The following PIK3C2B variants were observed in gnomAD, a reference collection of about 807,000 sequenced individuals.
PIK3C2B encodes phosphatidylinositol 4-phosphate 3-kinase C2 domain-containing subunit beta.
PIK3C2B carries 83 observed loss-of-function variants against 184.3 expected under a neutral mutation model. That is an observed-to-expected ratio of 0.45 (90% CI 0.38 to 0.54). The LOEUF is 0.54. Ranked by LOEUF, PIK3C2B falls within the 20% of genes least tolerant of loss-of-function variation. The pLI is 0.00. For synonymous variants in PIK3C2B, 779 were observed against 837.6 expected, an observed-to-expected ratio of 0.93 and a Z score of 1.21; for missense variants, 1,736 against 2,113.5, an observed-to-expected ratio of 0.82 and a Z score of 3.50.
chr1:204,460,221 T>A (rs879653400), intron 7 of PIK3C2B, 103 bp downstream of exon 7: 32 of 952,642 alleles, frequency 3.4e-5, no homozygotes, highest in African/African-American at 4.8e-5. Context: ...CCCTGACACC[T>A]GCAAGAATCC....
intron 1 of PIK3C2B, among the ~76,000 whole-genome samples, chr1:204,486,358 G>C (rs1380747692): frequency 7.1e-6 from 1 of 141,384 alleles, no homozygotes; most frequent in Non-Finnish European, 1.5e-5. Context: ...TAGTGCCACT[G>C]CACTCCAGCC....
At position 204,440,196 on chromosome 1, in the gene PIK3C2B, G is replaced by T. The variant is rs777209190; in HGVS notation, c.3375C>A (p.Gly1125=). 10 of 1,611,702 alleles carry T rather than the reference G, an allele frequency of 6.2e-6. No individual in the cohort carries two copies. The East Asian group carries it at 9.0e-5, about 15-fold the overall frequency. ...TCACCCCTACTCCCAACTGACCTCT[G>T]CCCCGGCCGGTGGAGAAGCAGCGGA... ...VIFRCFSTGR[G]RGMVEMIPNA... is the part of the protein sequence containing the mutation. Residue 1125 remains glycine, a synonymous_variant, in exon 22 of 33, where the codon GGC becomes GGA. Coordinates refer to ENST00000684373, the MANE Select transcript of PIK3C2B (RefSeq NM_001377334.1).
chr1:204,478,808 A>G (rs1656908491), intron 1 of PIK3C2B, among the ~76,000 whole-genome samples: 1 of 152,218 alleles, frequency 6.6e-6, no homozygotes, highest in East Asian at 1.9e-4. Context: ...ACAAGAGTTT[A>G]GTGGAAGTCT....
chr1:204,440,342 A>G, intron 21 of PIK3C2B, 21 bp from the exon 22 acceptor site: 1 of 1,563,790 alleles, frequency 6.4e-7, no homozygotes, highest in Non-Finnish European at 8.7e-7. Flanking sequence ...GGAGAAAGTG[A>G]CCAGATCTAA....
intron 5 of PIK3C2B, among the ~76,000 whole-genome samples, chr1:204,463,406 T>C (rs560334668): frequency 6.6e-6 from 1 of 152,206 alleles, no homozygotes; most frequent in East Asian, 1.9e-4. Flanking sequence ...CCCAGGGTAG[T>C]GGAAAGGGGG....
chr1:204,431,742 G>A lies in PIK3C2B; in HGVS notation c.4207C>T (p.Gln1403Ter), dbSNP rs1386810357. 6.2e-7 allele frequency: 1 copy of A among 1,614,052 alleles called. No homozygotes were observed. The highest frequency in any genetic ancestry group is 8.5e-7 in the Non-Finnish European group (1 of 1,180,018). Residue 1403 changes from glutamine (Q) to a stop codon, truncating the protein, a stop_gained, in exon 28 of 33, where the codon CAG becomes TAG. Transcript: ENST00000684373. LOFTEE classifies it high-confidence loss of function. ...RENTHEATYI[Q>*]RTFEEFQELH... ...TCCTGGAACTCCTCAAAGGTCCGCTGGATGTAGGTGGCCTCGTGAGTGTTC... is the reference window on the plus strand; with the variant it reads ...TCCTGGAACTCCTCAAAGGTCCGCTAGATGTAGGTGGCCTCGTGAGTGTTC...
At chr1:204,437,557 G>A (rs552783870) in intron 23 of PIK3C2B, among the ~76,000 whole-genome samples, 8 of 152,276 alleles carry the variant, frequency 5.3e-5, no homozygotes, top group African/African-American at 1.9e-4. Context: ...TCTAGATGGA[G>A]GAGAGGCATT....
intron 16 of PIK3C2B, 56 bp downstream of exon 16, chr1:204,445,900 C>A: frequency 7.9e-7 from 1 of 1,260,572 alleles, no homozygotes; most frequent in Non-Finnish European, 1.1e-6. Flanking sequence ...TGGGCAGTGT[C>A]GTGCCCTGGC....
At chr1:204,485,751 GTC>G (rs1180315340) in intron 1 of PIK3C2B, among the ~76,000 whole-genome samples, 1 of 151,918 alleles carries the variant, frequency 6.6e-6, no homozygotes, top group African/African-American at 2.4e-5. Context: ...CTAATTTTTT[GTC>G]TTTTTGGTAG....
chr1:204,465,170 C>CCCCACCCCCCAAG, intron 3 of PIK3C2B, 49 bp downstream of exon 3: 1 of 802,080 alleles, frequency 1.2e-6, no homozygotes, highest in Non-Finnish European at 2.1e-6. Flanking sequence ...GGCCCCCCTC[C>CCCCACCCCCCAAG]CCATCCCCCA....
chr1:204,455,412 G>A (rs1035494406), intron 11 of PIK3C2B, among the ~76,000 whole-genome samples: 4 of 152,096 alleles, frequency 2.6e-5, no homozygotes, highest in Non-Finnish European at 4.4e-5. Context: ...CAACAGAGGC[G>A]CTGAGGATTT....
chr1:204,476,496 T>C (rs1039353322), intron 1 of PIK3C2B, among the ~76,000 whole-genome samples: 12 of 152,184 alleles, frequency 7.9e-5, no homozygotes, highest in African/African-American at 2.9e-4. Flanking sequence ...CAGTGAGCCG[T>C]GATCGTGCCA....
At chr1:204,430,658 A>G (rs1675002761) in intron 28 of PIK3C2B, among the ~76,000 whole-genome samples, 1 of 145,924 alleles carries the variant, frequency 6.9e-6, no homozygotes, top group Non-Finnish European at 1.5e-5. Context: ...ATTCATTTAA[A>G]AAGTTGTTTG....
intron 32 of PIK3C2B, 33 bp from the exon 33 acceptor site, chr1:204,425,073 G>A: frequency 6.3e-7 from 1 of 1,575,384 alleles, no homozygotes; most frequent in Non-Finnish European, 8.7e-7. Context: ...GGGAAGTGGT[G>A]AGAGAAGGAA....
chr1:204,473,558 A>G lies in PIK3C2B; in HGVS notation c.-84-3672T>C, dbSNP rs373452429. ...TAGGAGATACCAGATAAATGCTCAAAGTTGGATTGGGCTTAAGTATGTTAA... is the reference window on the plus strand; with the variant it reads ...TAGGAGATACCAGATAAATGCTCAAGGTTGGATTGGGCTTAAGTATGTTAA... On this transcript the variant is annotated intron_variant, in intron 1 of 32. Coordinates refer to ENST00000684373, the MANE Select transcript of PIK3C2B (RefSeq NM_001377334.1). 2.0e-5 allele frequency among the ~76,000 whole-genome samples: 3 copies of G among 152,366 alleles called. No homozygotes were observed. In the East Asian group the frequency reaches 5.8e-4, roughly 29 times the overall value.
At chr1:204,466,117 A>C (rs935119477) in intron 2 of PIK3C2B, among the ~76,000 whole-genome samples, 1 of 152,170 alleles carries the variant, frequency 6.6e-6, no homozygotes, top group African/African-American at 2.4e-5. Flanking sequence ...AGAAGCCCCT[A>C]GCAAGGCCTG....
At chr1:204,430,638 C>T (rs1365836233) in intron 28 of PIK3C2B, among the ~76,000 whole-genome samples, 6 of 151,614 alleles carry the variant, frequency 4.0e-5, no homozygotes, top group South Asian at 4.2e-4. Flanking sequence ...CCACCGCACC[C>T]GGCCAAAAAA....
intron 2 of PIK3C2B, among the ~76,000 whole-genome samples, chr1:204,466,446 CTT>C: frequency 7.3e-6 from 1 of 136,826 alleles, no homozygotes; most frequent in African/African-American, 3.0e-5. Context: ...TTGACCCTCT[CTT>C]GTTAGGCTTG....
intron 28 of PIK3C2B, among the ~76,000 whole-genome samples, 181 bp from the exon 29 acceptor site, chr1:204,430,219 G>C (rs1223625940): frequency 1.3e-5 from 2 of 152,150 alleles, no homozygotes; most frequent in Non-Finnish European, 2.9e-5. Context: ...GCCCAGGTCT[G>C]ACACCTGCTC....
Sources: allele counts gnomAD v4.1 joint callset (sites outside exome capture counted in the v4.1 genomes callset), GRCh38; gene constraint gnomAD v4.1.1; transcripts MANE v1.5; gene names NCBI Gene and HGNC (gene_info 2026-07-23, HGNC 2026-07-21).